Variants in XKR6 observed in about 807,000 individuals in gnomAD.
XKR6 encodes XK-related protein 6.
A neutral mutation model predicts 56.7 loss-of-function variants in XKR6; 22 were observed. The ratio of observed to expected loss-of-function variants is 0.39; its 90% CI spans 0.28 to 0.55. The LOEUF is 0.55. Among genes scored for constraint, XKR6 ranks in the 20% least tolerant of loss-of-function variants. XKR6 has a pLI of 0.66. For synonymous variants in XKR6, 524 were observed against 387.8 expected (o/e 1.35, Z -4.13); for missense variants, 852 against 889.0 (o/e 0.96, Z 0.53).
At chr8:11,174,354 C>T (rs1190366032) in intron 1 of XKR6, among the ~76,000 whole-genome samples, 1 of 152,176 alleles carries the variant, frequency 6.6e-6, no homozygotes, top group African/African-American at 2.4e-5. Flanking sequence ...GTTTATTGTA[C>T]CTCCCTTTCC....
chr8:10,981,373 G>T (rs1339542810), intron 1 of XKR6, among the ~76,000 whole-genome samples: 5 of 152,190 alleles, frequency 3.3e-5, no homozygotes, highest in Non-Finnish European at 7.3e-5. Context: ...CTCACCAGAA[G>T]GAAGGGCCAA....
intron 1 of XKR6, among the ~76,000 whole-genome samples, chr8:11,156,190 C>G (rs1362002773): frequency 6.6e-6 from 1 of 152,244 alleles, no homozygotes; most frequent in African/African-American, 2.4e-5. Context: ...AGGTCAGAAT[C>G]TGCACCAATT....
At chr8:11,045,437 C>A (rs1013588740) in intron 1 of XKR6, among the ~76,000 whole-genome samples, 1 of 152,202 alleles carries the variant, frequency 6.6e-6, no homozygotes, top group East Asian at 1.9e-4. Context: ...TTTGATTGTC[C>A]CAATAATGCC....
chr8:11,200,922 A>G lies in XKR6; in HGVS notation c.418T>C (p.Phe140Leu). Residue 140 changes from phenylalanine (F) to leucine (L), a missense_variant, in exon 1 of 3, where the codon TTC becomes CTC. This residue lies in a region of XKR6 where 417 missense variants were observed against 355.2 expected (regional missense o/e 1.17). Transcript: ENST00000416569. This position sits in a 1 kb window ranked among gnomAD's most constrained non-coding sequence, Gnocchi z 6.4. ...CACAGGTCGGTGCCCACGTCCCCGA[A>G]GAACACCAGCAGCGCCAGCACGATC... ...LWIVLALLVFFGDVGTDLWLA... is the reference protein window; with the variant it reads ...LWIVLALLVFLGDVGTDLWLA... The G allele has an allele frequency of 6.2e-7, 1 of 1,607,974 alleles. No homozygotes were observed. The highest frequency in any genetic ancestry group is 8.5e-7 in the Non-Finnish European group (1 of 1,178,832).
In XKR6 at chr8:11,093,754, T is replaced by C. The variant is rs147742027; in HGVS notation, c.764+106822A>G. 1.6e-4 allele frequency among the ~76,000 whole-genome samples: 25 copies of C among 152,332 alleles called. No homozygotes were observed. The East Asian group carries it at 4.2e-3, about 26-fold the overall frequency. Reference sequence around the variant, plus strand: ...TCTCTATAATTCAAAATTTACCCTTTATACTTCAGGGTCTTTACATTATGT... The same window carrying C: ...TCTCTATAATTCAAAATTTACCCTTCATACTTCAGGGTCTTTACATTATGT... On this transcript the variant is annotated intron_variant, in intron 1 of 2. Transcript: ENST00000416569.
intron 1 of XKR6, among the ~76,000 whole-genome samples, chr8:11,070,868 C>T (rs1800096902): frequency 6.6e-6 from 1 of 152,206 alleles, no homozygotes; most frequent in Non-Finnish European, 1.5e-5. Flanking sequence ...TTCCTGCCCG[C>T]TGCCCCTCAT....
At chr8:10,906,292 A>T (rs1254942056) in intron 2 of XKR6, among the ~76,000 whole-genome samples, 1 of 152,070 alleles carries the variant, frequency 6.6e-6, no homozygotes, top group East Asian at 1.9e-4. Context: ...CCAGCACACC[A>T]CCGGTCAGGA....
chr8:11,113,597 T>TTACTTTC (rs1314599226), intron 1 of XKR6, among the ~76,000 whole-genome samples: 1 of 152,228 alleles, frequency 6.6e-6, no homozygotes, highest in Admixed American at 6.5e-5. Flanking sequence ...GCAAGAATCC[T>TTACTTTC]TACTTTCTAG....
At chr8:11,004,461 T>TGA (rs959428182) in intron 1 of XKR6, among the ~76,000 whole-genome samples, 3 of 150,522 alleles carry the variant, frequency 2.0e-5, no homozygotes, top group African/African-American at 7.5e-5. Context: ...GGCGACACAG[T>TGA]GAGAGTCCAT....
chr8:11,005,439 G>T lies in XKR6; in HGVS notation c.765-80609C>A, dbSNP rs551112201. Among the ~76,000 whole-genome samples the T allele has an allele frequency of 7.2e-5, 11 of 152,222 alleles. No homozygotes were observed. The South Asian group carries it at 2.3e-3, about 32-fold the overall frequency. Reference sequence around the variant, plus strand: ...GGGATGGGGAGCAGTTATTTAATGGGCATGGAGTTTCCATTTGGGAAGATG... The same window carrying T: ...GGGATGGGGAGCAGTTATTTAATGGTCATGGAGTTTCCATTTGGGAAGATG... On this transcript the variant is annotated intron_variant, in intron 1 of 2. Coordinates refer to ENST00000416569, the MANE Select transcript of XKR6 (RefSeq NM_173683.4).
chr8:11,114,346 T>C (rs1303458995), intron 1 of XKR6, among the ~76,000 whole-genome samples: 2 of 152,140 alleles, frequency 1.3e-5, no homozygotes, highest in South Asian at 2.1e-4. Flanking sequence ...TTTCCTGAGA[T>C]TATAAAACAC....
intron 1 of XKR6, among the ~76,000 whole-genome samples, chr8:10,972,971 C>G (rs541744887): frequency 6.6e-6 from 1 of 152,158 alleles, no homozygotes; most frequent in Admixed American, 6.5e-5. Context: ...CTGGGAGGAC[C>G]ATTCATGAAC....
Position 11,201,125 on chromosome 8 carries a change from G to A in XKR6, c.215C>T (p.Ala72Val). ...CCTGCCCAGGAGGGAGCGCAGGCAGGCGGAGCGGCAGCCCCAGTAGCACGA... is the reference window on the plus strand; with the variant it reads ...CCTGCCCAGGAGGGAGCGCAGGCAGACGGAGCGGCAGCCCCAGTAGCACGA... ...TSSCYWGCRS[A>V]CLRSLLGRKP... is the part of the protein sequence containing the mutation. The change falls in exon 1 of 3, where the codon GCC (alanine) becomes GTC (valine). Residue 72 changes from alanine to valine, a missense_variant. By Grantham distance (64) the Ala-to-Val change is moderately conservative (BLOSUM62 0). Transcript: ENST00000416569. 6.6e-7 allele frequency: 1 copy of A among 1,512,116 alleles called. No individual in the cohort carries two copies. The highest frequency in any genetic ancestry group is 2.2e-4 in the Middle Eastern group (1 of 4,586). The allele number at this position is 1,512,116 out of a possible 1,614,324, so 93.7% of individuals were successfully genotyped here. A position where few individuals can be genotyped will look rare whatever the true frequency, so the allele number is the denominator to read the frequency against.
At chr8:10,935,231 G>A (rs1406754258) in intron 1 of XKR6, among the ~76,000 whole-genome samples, 1 of 111,646 alleles carries the variant, frequency 9.0e-6, no homozygotes. Context: ...TATTTCTGTG[G>A]GATCAGTGGT....
At chr8:11,157,425 CTG>C (rs1198525489) in intron 1 of XKR6, among the ~76,000 whole-genome samples, 1 of 152,084 alleles carries the variant, frequency 6.6e-6, no homozygotes, top group African/African-American at 2.4e-5. Context: ...TATGGATACT[CTG>C]TGCTATCTTT....
chr8:10,938,788 G>A lies in XKR6; in HGVS notation c.765-13958C>T, dbSNP rs559775830. 2.2e-4 allele frequency among the ~76,000 whole-genome samples: 34 copies of A among 152,196 alleles called. 1 individual carries two copies. Among genetic ancestry groups the A allele is most frequent in the Admixed American group, 1.8e-3 (28 of 15,282 alleles). The stretch of plus-strand genomic sequence containing the variant: ...TATGGTGGTGACTATGTGAATCCGC[G>A]TATGCACTGAAACTCAAAGACCTCT... On this transcript the variant is annotated intron_variant, in intron 1 of 2. Transcript: ENST00000416569.
chr8:11,115,869 A>G lies in XKR6; in HGVS notation c.764+84707T>C, dbSNP rs10081405. On this transcript the variant is annotated intron_variant, in intron 1 of 2. Coordinates refer to ENST00000416569, the MANE Select transcript of XKR6 (RefSeq NM_173683.4). ...ACATTTCTGAGTTGGCTTATCTTCT[A>G]TAATTTTTCATGGAGTCTAACTAAA... 6.4e-3 allele frequency among the ~76,000 whole-genome samples: 971 copies of G among 152,354 alleles called. 9 individuals are homozygous for G. Among genetic ancestry groups the G allele is most frequent in the African/African-American group, 0.022 (920 of 41,590 alleles).
At chr8:10,926,096 G>A (rs936652052) in intron 1 of XKR6, among the ~76,000 whole-genome samples, 5 of 152,116 alleles carry the variant, frequency 3.3e-5, no homozygotes, top group African/African-American at 1.2e-4. Context: ...TTGAAATGCT[G>A]AGCCTGACTC....
chr8:10,975,790 C>T (rs908617574), intron 1 of XKR6, among the ~76,000 whole-genome samples: 2 of 152,216 alleles, frequency 1.3e-5, no homozygotes, highest in Non-Finnish European at 2.9e-5. Context: ...GCCACTTCCA[C>T]CACATTCTGT....
Sources: gnomAD v4.1 joint callset for allele counts (sites outside exome capture counted in the v4.1 genomes callset) on GRCh38, gnomAD v4.1.1 for gene constraint, gnomAD v4.1.1 regional missense constraint, Gnocchi (gnomAD v3.1) non-coding constraint, MANE v1.5 for transcripts, NCBI Gene and HGNC (gene_info 2026-07-23, HGNC 2026-07-21) for gene names.